TAF3: variants seen among roughly 807,000 people sequenced by gnomAD.
The protein encoded by TAF3 is TATA-box binding protein associated factor 3.
In TAF3, 7 loss-of-function variants were observed where a neutral mutation model predicts 80.6. That is an observed-to-expected ratio of 0.09 (90% CI 0.05 to 0.16). The LOEUF is 0.16. TAF3 is among the 10% of genes least tolerant of loss of function. The pLI, the probability that TAF3 is intolerant of heterozygous loss-of-function variation, is 1.00. For missense variants in TAF3, 921 were observed against 1,140.2 expected (o/e 0.81, Z 2.77); for synonymous variants, 444 against 446.1 (o/e 1.00, Z 0.06).
chr10:7,834,037 GC>G, intron 2 of TAF3: 1 of 186,838 alleles, frequency 5.4e-6, no homozygotes, highest in Non-Finnish European at 1.1e-5. Context: ...TATATATTTT[GC>G]CTTTTTTTTT....
intron 3 of TAF3, among the ~76,000 whole-genome samples, chr10:7,967,373 T>A (rs1303875507): frequency 3.3e-5 from 5 of 152,066 alleles, no homozygotes; most frequent in Non-Finnish European, 2.9e-5. Flanking sequence ...GCCATCAGAT[T>A]AGGTTTGTAA....
intron 2 of TAF3, among the ~76,000 whole-genome samples, chr10:7,896,782 G>A (rs571080911): frequency 6.6e-6 from 1 of 152,166 alleles, no homozygotes; most frequent in Non-Finnish European, 1.5e-5. Context: ...ATTTTCAACA[G>A]TTTCTGTAGG....
At chr10:7,987,729 G>A (rs1312636963) in intron 4 of TAF3, among the ~76,000 whole-genome samples, 1 of 152,200 alleles carries the variant, frequency 6.6e-6, no homozygotes, top group Admixed American at 6.5e-5. Flanking sequence ...GCAAGACTCT[G>A]GGCAACTAGT....
At chr10:7,970,205 C>G (rs1350046444) in intron 3 of TAF3, among the ~76,000 whole-genome samples, 3 of 152,160 alleles carry the variant, frequency 2.0e-5, no homozygotes, top group African/African-American at 7.2e-5. Context: ...AGAAAGGATT[C>G]TCAACATTTT....
At chr10:7,824,111 TTGTC>T (rs1250792973) in intron 1 of TAF3, among the ~76,000 whole-genome samples, 4 of 152,208 alleles carry the variant, frequency 2.6e-5, no homozygotes, top group Non-Finnish European at 5.9e-5. Flanking sequence ...TTCTGGCTAG[TTGTC>T]TGATTATATT....
At chr10:7,997,392 C>T (rs1831899929) in intron 4 of TAF3, among the ~76,000 whole-genome samples, 1 of 152,220 alleles carries the variant, frequency 6.6e-6, no homozygotes, top group South Asian at 2.1e-4. Context: ...GATCATTAAA[C>T]TTCTTGTGCA....
At chr10:7,881,078 A>G (rs1837356619) in intron 2 of TAF3, among the ~76,000 whole-genome samples, 1 of 152,136 alleles carries the variant, frequency 6.6e-6, no homozygotes, top group South Asian at 2.1e-4. Context: ...TCTACAAAAA[A>G]TACAAAAATT....
At chr10:7,937,659 G>C (rs1837934169) in intron 2 of TAF3, among the ~76,000 whole-genome samples, 1 of 152,048 alleles carries the variant, frequency 6.6e-6, no homozygotes. Context: ...TCACAGTTGT[G>C]CTCCATCCTG....
intron 2 of TAF3, among the ~76,000 whole-genome samples, chr10:7,843,924 A>G (rs1836944049): frequency 6.6e-6 from 1 of 152,164 alleles, no homozygotes; most frequent in Non-Finnish European, 1.5e-5. Context: ...ACTGTTTTAT[A>G]TGGAAGTGAT....
intron 5 of TAF3, among the ~76,000 whole-genome samples, chr10:8,011,465 G>GA (rs1279143628): frequency 6.6e-6 from 1 of 152,076 alleles, no homozygotes; most frequent in Non-Finnish European, 1.5e-5. Flanking sequence ...TTGTGGAGAT[G>GA]ATGTCTCTCT....
chr10:7,821,900 AT>A (rs1292577875), intron 1 of TAF3, among the ~76,000 whole-genome samples: 1 of 152,212 alleles, frequency 6.6e-6, no homozygotes, highest in Non-Finnish European at 1.5e-5. Flanking sequence ...AGCTTAGAGA[AT>A]CACATAAACT....
At chr10:7,971,748 G>T (rs2131416917) in intron 3 of TAF3, among the ~76,000 whole-genome samples, 1 of 152,200 alleles carries the variant, frequency 6.6e-6, no homozygotes, top group South Asian at 2.1e-4. Context: ...CCGCACTGCT[G>T]GTGTCCTGGA....
At chr10:7,853,083 C>T (rs1837044467) in intron 2 of TAF3, among the ~76,000 whole-genome samples, 1 of 152,090 alleles carries the variant, frequency 6.6e-6, no homozygotes, top group African/African-American at 2.4e-5. Context: ...CTGGCTCATA[C>T]CCATTTTTGA....
intron 4 of TAF3, among the ~76,000 whole-genome samples, chr10:7,992,416 G>A (rs532181464): frequency 1.3e-5 from 2 of 152,292 alleles, no homozygotes; most frequent in African/African-American, 2.4e-5. Context: ...ATTCTCTCAG[G>A]AGCATAAGTA....
chr10:7,840,950 A>G (rs562992812), intron 2 of TAF3, among the ~76,000 whole-genome samples: 1 of 151,794 alleles, frequency 6.6e-6, no homozygotes, highest in African/African-American at 2.4e-5. Context: ...CCCAGGTTCA[A>G]GCTATTCTCC....
chr10:7,918,993 A>G (rs1310808673), intron 2 of TAF3, among the ~76,000 whole-genome samples: 1 of 152,178 alleles, frequency 6.6e-6, no homozygotes, highest in Admixed American at 6.5e-5. Context: ...GGGGGCTGTG[A>G]TGGAGGTAGA....
At chr10:7,958,508 A>G (rs941620317) in intron 2 of TAF3, among the ~76,000 whole-genome samples, 1 of 151,758 alleles carries the variant, frequency 6.6e-6, no homozygotes, top group Non-Finnish European at 1.5e-5. Flanking sequence ...AAAAAATTAT[A>G]GTATCATACT....
chr10:7,953,026 C>T (rs964388622), intron 2 of TAF3, among the ~76,000 whole-genome samples: 2 of 152,114 alleles, frequency 1.3e-5, no homozygotes, highest in Non-Finnish European at 2.9e-5. Flanking sequence ...TTCCCAGCAT[C>T]GAGTGCCTGT....
intron 2 of TAF3, among the ~76,000 whole-genome samples, chr10:7,851,190 C>T (rs148636815): frequency 1.3e-3 from 196 of 152,268 alleles, no homozygotes; most frequent in Non-Finnish European, 2.3e-3. Context: ...TAAAAATATG[C>T]TAGTCAGGGG....
Sources: allele counts gnomAD v4.1 joint callset (sites outside exome capture counted in the v4.1 genomes callset), GRCh38; gene constraint gnomAD v4.1.1; transcripts MANE v1.5; gene names NCBI Gene and HGNC (gene_info 2026-07-23, HGNC 2026-07-21).